The following CDC42BPA variants were observed in gnomAD, a reference collection of about 807,000 sequenced individuals.
CDC42BPA encodes CDC42 binding protein kinase alpha.
CDC42BPA carries 80 observed loss-of-function variants against 223.5 expected under a neutral mutation model. That is an observed-to-expected ratio of 0.36 (90% CI 0.30 to 0.43). The LOEUF is 0.43. Among genes scored for constraint, CDC42BPA ranks in the 20% least tolerant of loss-of-function variants. CDC42BPA has a pLI of 1.00. For missense variants in CDC42BPA, 1,743 were observed against 2,099.9 expected (o/e 0.83, Z 3.32); for synonymous variants, 694 against 718.6 (o/e 0.97, Z 0.55).
intron 6 of CDC42BPA, among the ~76,000 whole-genome samples, chr1:227,154,234 ACT>A (rs1345984032): frequency 1.3e-5 from 2 of 151,938 alleles, no homozygotes; most frequent in African/African-American, 4.8e-5. Context: ...TAACAAAAAA[ACT>A]CTGGTAATCA....
chr1:227,165,984 T>C (rs1358839426), intron 5 of CDC42BPA, among the ~76,000 whole-genome samples: 1 of 152,188 alleles, frequency 6.6e-6, no homozygotes, highest in South Asian at 2.1e-4. Context: ...TCAAAGAATA[T>C]GAAAATGTTT....
intron 1 of CDC42BPA, among the ~76,000 whole-genome samples, chr1:227,291,331 T>G (rs1351274133): frequency 1.3e-5 from 2 of 151,976 alleles, no homozygotes; most frequent in Admixed American, 1.3e-4. Context: ...GGCGGATCAC[T>G]TGAGGTCAGG....
At chr1:227,305,838 T>G (rs912042493) in intron 1 of CDC42BPA, among the ~76,000 whole-genome samples, 4 of 152,100 alleles carry the variant, frequency 2.6e-5, no homozygotes, top group Admixed American at 2.6e-4. Flanking sequence ...TGGTGGTGGA[T>G]GCCTATAATC....
intron 6 of CDC42BPA, among the ~76,000 whole-genome samples, chr1:227,158,539 A>T (rs1358743385): frequency 6.6e-6 from 1 of 152,156 alleles, no homozygotes; most frequent in Non-Finnish European, 1.5e-5. Context: ...ACACTCTGTG[A>T]TTGTAGGTTC....
intron 21 of CDC42BPA, among the ~76,000 whole-genome samples, chr1:227,067,417 T>C (rs1677316449): frequency 6.6e-6 from 1 of 152,100 alleles, no homozygotes; most frequent in African/African-American, 2.4e-5. Flanking sequence ...TTGTTAGAAA[T>C]AAAAAGGTTT....
Position 227,142,898 on chromosome 1 carries a change from G to A in CDC42BPA, c.1223+47C>T, listed in dbSNP as rs368559751. 1.6e-4 allele frequency: 213 copies of A among 1,307,078 alleles called. No individual in the cohort carries two copies. The African/African-American group carries it at 2.6e-3, about 16-fold the overall frequency. 81.0% of individuals were successfully genotyped at this position (1,307,078 alleles called of 1,614,324 possible). A position where few individuals can be genotyped will look rare whatever the true frequency, so the allele number is the denominator to read the frequency against. ...CTCCCAAAGTGTTGGGATTACAGGC[G>A]TGAGCCACTGCACTTGGCCCAAACT... On this transcript the variant is annotated intron_variant, in intron 9 of 36. Coordinates refer to ENST00000366766, the MANE Select transcript of CDC42BPA (RefSeq NM_001394014.1).
intron 24 of CDC42BPA, among the ~76,000 whole-genome samples, 196 bp downstream of exon 24, chr1:227,039,934 AT>A (rs1485234898): frequency 6.6e-6 from 1 of 152,224 alleles, no homozygotes; most frequent in Admixed American, 6.5e-5. Flanking sequence ...AATGAACCAT[AT>A]TTAAATATAT....
At chr1:227,314,708 AC>A (rs1694084059) in intron 1 of CDC42BPA, among the ~76,000 whole-genome samples, 1 of 147,630 alleles carries the variant, frequency 6.8e-6, no homozygotes, top group African/African-American at 2.6e-5. Flanking sequence ...CAAATATGTA[AC>A]AACTTGTGTT....
At chr1:227,226,028 T>C (rs915421797) in intron 2 of CDC42BPA, among the ~76,000 whole-genome samples, 2 of 152,222 alleles carry the variant, frequency 1.3e-5, no homozygotes, top group South Asian at 4.1e-4. Context: ...CTCTCTTGAT[T>C]CAAGAGGCAA....
intron 2 of CDC42BPA, among the ~76,000 whole-genome samples, chr1:227,222,800 G>A (rs1034462360): frequency 2.6e-5 from 4 of 152,198 alleles, no homozygotes; most frequent in African/African-American, 4.8e-5. Context: ...ACAGGTTCCC[G>A]CGGATACATG....
At position 227,145,740 on chromosome 1, in the gene CDC42BPA, A is replaced by G. The variant is rs1317172691; in HGVS notation, c.895-3T>C. On this transcript the variant is annotated splice_region_variant and splice_polypyrimidine_tract_variant and intron_variant, in intron 7 of 36. Coordinates refer to ENST00000366766, the MANE Select transcript of CDC42BPA (RefSeq NM_001394014.1). ...TGGGCTGGAAACTGAAACCTCTCCT[A>G]AACAGAGAAAAACAGAAACAAAATA... is the stretch of plus-strand genomic sequence containing the variant. 1.3e-6 allele frequency: 2 copies of G among 1,598,566 alleles called. No homozygotes were observed. The highest frequency in any genetic ancestry group is 4.5e-5 in the East Asian group (2 of 44,578).
rs372954629 is a variant in CDC42BPA at position 227,028,636 on chromosome 1, C to A, written c.4432+21G>T. The stretch of plus-strand genomic sequence containing the variant: ...AAGAAGAGATATAAAGATAAGACAG[C>A]CGTAAGAAAGAGAATCTTACAACAA... On this transcript the variant is annotated intron_variant, in intron 30 of 36. Coordinates refer to ENST00000366766, the MANE Select transcript of CDC42BPA (RefSeq NM_001394014.1). 2.1e-6 allele frequency: 3 copies of A among 1,431,220 alleles called. No homozygotes were observed. In the African/African-American group the frequency reaches 4.3e-5, roughly 20 times the overall value. The allele number at this position is 1,431,220 out of a possible 1,614,324, so 88.7% of individuals were successfully genotyped here. A position where few individuals can be genotyped will look rare whatever the true frequency, so the allele number is the denominator to read the frequency against.
chr1:227,030,618 G>C (rs1211657288), intron 28 of CDC42BPA, 148 bp from the exon 29 acceptor site: 1 of 526,890 alleles, frequency 1.9e-6, no homozygotes, highest in African/African-American at 2.0e-5. Flanking sequence ...GATTATACTG[G>C]TAAATCTCTC....
intron 5 of CDC42BPA, among the ~76,000 whole-genome samples, chr1:227,185,735 C>T (rs1164298692): frequency 7.8e-6 from 1 of 128,562 alleles, no homozygotes; most frequent in Non-Finnish European, 1.6e-5. Flanking sequence ...CTTAAAACTA[C>T]TCCACGTGTG....
At chr1:227,187,922 T>C (rs1178330780) in intron 5 of CDC42BPA, among the ~76,000 whole-genome samples, 2 of 151,808 alleles carry the variant, frequency 1.3e-5, no homozygotes, top group African/African-American at 4.8e-5. Context: ...TGCAGAATTA[T>C]CCTTCAAAAG....
intron 34 of CDC42BPA, among the ~76,000 whole-genome samples, chr1:227,013,746 TAA>T (rs1178646037): frequency 6.6e-6 from 1 of 152,024 alleles, no homozygotes; most frequent in African/African-American, 2.4e-5. Flanking sequence ...ATTTAAATTT[TAA>T]AAGACTATCT....
chr1:227,111,349 C>T (rs1282602494), intron 14 of CDC42BPA, among the ~76,000 whole-genome samples: 1 of 152,178 alleles, frequency 6.6e-6, no homozygotes, highest in Non-Finnish European at 1.5e-5. Flanking sequence ...GATCTTAATT[C>T]ACTCACTGTA....
At chr1:227,268,444 C>A (rs181796356) in intron 1 of CDC42BPA, among the ~76,000 whole-genome samples, 52 of 151,822 alleles carry the variant, frequency 3.4e-4, no homozygotes, top group Non-Finnish European at 6.5e-4. Flanking sequence ...CACACGCCCC[C>A]ACCAGGGTGT....
At chr1:227,075,536 G>A (rs536963820) in intron 17 of CDC42BPA, among the ~76,000 whole-genome samples, 1 of 152,104 alleles carries the variant, frequency 6.6e-6, no homozygotes, top group South Asian at 2.1e-4. Flanking sequence ...CACATTCCTA[G>A]GCTCTATCTA....
Sources: gnomAD v4.1 joint callset for allele counts (sites outside exome capture counted in the v4.1 genomes callset) on GRCh38, gnomAD v4.1.1 for gene constraint, MANE v1.5 for transcripts, NCBI Gene and HGNC (gene_info 2026-07-23, HGNC 2026-07-21) for gene names.